SLC15A5: variants seen among roughly 807,000 people sequenced by gnomAD.
SLC15A5 encodes the protein solute carrier family 15 member 5.
In SLC15A5, 58 loss-of-function variants were observed where a neutral mutation model predicts 56.1. The observed-to-expected ratio is 1.03, with a 90% CI of 0.84 to 1.29. The LOEUF (loss-of-function observed/expected upper bound fraction) is 1.29. Ranked by LOEUF, SLC15A5 falls within the 50% of genes most tolerant of loss-of-function variation. The probability of loss-of-function intolerance (pLI) is 0.00; values close to 1 mark genes in which losing one functional copy is unlikely to be tolerated. For missense variants in SLC15A5, 681 were observed against 672.1 expected, an observed-to-expected ratio of 1.01 and a Z score of -0.15; for synonymous variants, 264 against 250.5, an observed-to-expected ratio of 1.05 and a Z score of -0.51.
intron 6 of SLC15A5, among the ~76,000 whole-genome samples, chr12:16,217,660 G>A (rs1864143355): frequency 6.6e-6 from 1 of 152,072 alleles, no homozygotes; most frequent in Non-Finnish European, 1.5e-5. Flanking sequence ...CTGACTCGTA[G>A]GTCCTGGGTC....
chr12:16,218,041 A>G (rs1377590903), intron 6 of SLC15A5, among the ~76,000 whole-genome samples: 2 of 152,214 alleles, frequency 1.3e-5, no homozygotes, highest in Non-Finnish European at 2.9e-5. Context: ...GATATGTGTT[A>G]AAATATTTGA....
chr12:16,215,053 A>T (rs968038339), intron 7 of SLC15A5, among the ~76,000 whole-genome samples: 1 of 151,998 alleles, frequency 6.6e-6, no homozygotes. Flanking sequence ...AAATACAAAA[A>T]TTAGCTGGGT....
intron 5 of SLC15A5, among the ~76,000 whole-genome samples, chr12:16,230,710 G>A (rs369592164): frequency 0.018 from 2,710 of 148,628 alleles, 31 homozygotes; most frequent in Non-Finnish European, 0.026. Context: ...TCAGGAGATC[G>A]AGACCATCCT....
At chr12:16,198,098 G>C (rs953006887) in intron 7 of SLC15A5, among the ~76,000 whole-genome samples, 3 of 152,108 alleles carry the variant, frequency 2.0e-5, no homozygotes, top group African/African-American at 7.2e-5. Flanking sequence ...GTGCACCCTA[G>C]TTAATACTTT....
chr12:16,189,874 A>G lies in SLC15A5; in HGVS notation c.1593-59T>C, dbSNP rs1366126596. On this transcript the variant is annotated intron_variant, in intron 8 of 8. Transcript: ENST00000344941. ...CCAGATGTAGATGAATTGATAAATC[A>G]TTTGCTTCCCTCCTGCGCTTGTCTA... is the stretch of plus-strand genomic sequence containing the variant. 3.9e-6 allele frequency: 5 copies of G among 1,282,786 alleles called. No individual in the cohort carries two copies. In the African/African-American group the frequency reaches 6.0e-5, roughly 15 times the overall value. The allele number at this position is 1,282,786 out of a possible 1,614,324, so 79.5% of individuals were successfully genotyped here.
At chr12:16,227,189 G>A (rs914664026) in intron 5 of SLC15A5, among the ~76,000 whole-genome samples, 4 of 151,978 alleles carry the variant, frequency 2.6e-5, no homozygotes, top group Admixed American at 6.6e-5. Context: ...GACTATAAAG[G>A]CTTATTCATA....
chr12:16,227,589 G>A (rs904045538), intron 5 of SLC15A5, among the ~76,000 whole-genome samples: 2 of 152,176 alleles, frequency 1.3e-5, no homozygotes, highest in African/African-American at 2.4e-5. Flanking sequence ...AAGGGACAGC[G>A]TTGTGAAAGC....
chr12:16,251,168 C>G (rs1259819005), intron 3 of SLC15A5, among the ~76,000 whole-genome samples: 2 of 151,832 alleles, frequency 1.3e-5, no homozygotes, highest in Non-Finnish European at 2.9e-5. Context: ...TATACCAAAA[C>G]TTATGAGATG....
chr12:16,203,892 T>C (rs1404398900), intron 7 of SLC15A5, among the ~76,000 whole-genome samples: 2 of 152,152 alleles, frequency 1.3e-5, no homozygotes, highest in Admixed American at 1.3e-4. Context: ...ACAGTAATAA[T>C]CTCCCTGTAT....
chr12:16,209,469 A>G (rs1322701754), intron 7 of SLC15A5, among the ~76,000 whole-genome samples: 1 of 152,064 alleles, frequency 6.6e-6, no homozygotes, highest in Admixed American at 6.6e-5. Context: ...TGTGCCATAG[A>G]GTTTCATAGT....
chr12:16,240,569 T>TA (rs1050923198), intron 4 of SLC15A5, among the ~76,000 whole-genome samples: 18 of 151,566 alleles, frequency 1.2e-4, no homozygotes, highest in South Asian at 2.1e-4. Context: ...ACAATTTTTT[T>TA]AAAAAAAAAC....
In SLC15A5 at chr12:16,237,877, C is replaced by G. The variant is rs771655500; in HGVS notation, c.1162+1804G>C. ...GCATTATGTTTCAATCATGGACTTGCTGAAGGTATATACAAACCATGTCTT... is the reference window on the plus strand; with the variant it reads ...GCATTATGTTTCAATCATGGACTTGGTGAAGGTATATACAAACCATGTCTT... On this transcript the variant is annotated intron_variant, in intron 5 of 8. Transcript: ENST00000344941. This position sits in a 1 kb window ranked among gnomAD's most constrained non-coding sequence, Gnocchi z 4.1. Among the ~76,000 whole-genome samples, 3 of 152,138 alleles carry G rather than the reference C, an allele frequency of 2.0e-5. No homozygotes were observed. Among genetic ancestry groups the G allele is most frequent in the Non-Finnish European group, 4.4e-5 (3 of 68,022 alleles).
intron 7 of SLC15A5, among the ~76,000 whole-genome samples, chr12:16,198,143 A>G (rs1431183866): frequency 6.6e-6 from 1 of 152,188 alleles, no homozygotes; most frequent in East Asian, 1.9e-4. Context: ...ATAGTGTTCA[A>G]CTGCTGAAGT....
At chr12:16,264,516 G>GAT (rs1225517179) in intron 2 of SLC15A5, among the ~76,000 whole-genome samples, 1 of 152,198 alleles carries the variant, frequency 6.6e-6, no homozygotes, top group African/African-American at 2.4e-5. Flanking sequence ...TACTTTGGGG[G>GAT]ACTGTTGGGA....
chr12:16,273,436 G>T (rs1247410204), intron 1 of SLC15A5, among the ~76,000 whole-genome samples: 1 of 152,008 alleles, frequency 6.6e-6, no homozygotes, highest in South Asian at 2.1e-4. Context: ...GACAAAAGAA[G>T]GTCGAGTATC....
intron 2 of SLC15A5, among the ~76,000 whole-genome samples, chr12:16,262,619 T>C (rs1324968308): frequency 6.6e-6 from 1 of 152,220 alleles, no homozygotes; most frequent in Non-Finnish European, 1.5e-5. Context: ...GGAACAAAAA[T>C]AGCAGTGAAG....
intron 7 of SLC15A5, among the ~76,000 whole-genome samples, chr12:16,197,979 G>A (rs3858681): frequency 0.48 from 73,231 of 151,894 alleles, 18,130 homozygotes; most frequent in South Asian, 0.72. Context: ...CTAGAATGAG[G>A]CTAACTAAAC....
chr12:16,200,952 G>A (rs986583405), intron 7 of SLC15A5, among the ~76,000 whole-genome samples: 3 of 152,034 alleles, frequency 2.0e-5, no homozygotes, highest in Non-Finnish European at 4.4e-5. Context: ...ATGATTCATT[G>A]GAGAAAATAT....
At chr12:16,216,459 C>T (rs1030360832) in intron 7 of SLC15A5, among the ~76,000 whole-genome samples, 6 of 152,150 alleles carry the variant, frequency 3.9e-5, no homozygotes, top group African/African-American at 1.4e-4. Context: ...ATTTATTATT[C>T]AATTCACAAT....
Sources: gnomAD v4.1 joint callset for allele counts (sites outside exome capture counted in the v4.1 genomes callset) on GRCh38, gnomAD v4.1.1 for gene constraint, Gnocchi (gnomAD v3.1) non-coding constraint, MANE v1.5 for transcripts, NCBI Gene and HGNC (gene_info 2026-07-23, HGNC 2026-07-21) for gene names.